Variants in ORC4 observed in about 807,000 individuals in gnomAD.
The protein encoded by ORC4 is origin recognition complex, subunit 4 homolog.
In ORC4, 55 loss-of-function variants were observed where a neutral mutation model predicts 63.9. That is an observed-to-expected ratio of 0.86 (90% CI 0.69 to 1.08). The LOEUF (loss-of-function observed/expected upper bound fraction) is 1.08, where lower values mean the gene tolerates loss of function less well. Ranked by LOEUF, ORC4 falls within the 50% of genes least tolerant of loss-of-function variation. The pLI is 0.00. For missense variants in ORC4, 511 were observed against 504.4 expected (o/e 1.01, Z -0.13); for synonymous variants, 150 against 168.5 (o/e 0.89, Z 0.85).
At chr2:148,017,615 T>C (rs185949564) in intron 1 of ORC4, among the ~76,000 whole-genome samples, 13 of 152,250 alleles carry the variant, frequency 8.5e-5, no homozygotes, top group Non-Finnish European at 1.8e-4. Context: ...GAGGTTGCAG[T>C]GAGCCAAGAT....
At position 147,938,370 on chromosome 2, in the gene ORC4, G is replaced by T. The variant is rs1286664482; in HGVS notation, c.982C>A (p.Leu328Ile). The change falls in exon 12 of 14, where the codon CTT becomes ATT. Residue 328 changes from leucine to isoleucine, a missense_variant. By Grantham distance (5) the Leu-to-Ile change is conservative (BLOSUM62 2). Coordinates refer to ENST00000392857, the MANE Select transcript of ORC4 (RefSeq NM_181741.4). ...VHGLSVLEIC[L>I]IIAMKHLNDI... ...TTTAAATGTTTCATTGCTATTATAA[G>T]ACAGATTTCCAAGACTGATAGACCT... 5 of 1,603,058 alleles carry T rather than the reference G, an allele frequency of 3.1e-6. No individual in the cohort carries two copies. Among genetic ancestry groups the T allele is most frequent in the Non-Finnish European group, 4.3e-6 (5 of 1,172,000 alleles).
At chr2:148,013,449 G>A (rs544646236) in intron 1 of ORC4, among the ~76,000 whole-genome samples, 1 of 152,110 alleles carries the variant, frequency 6.6e-6, no homozygotes, top group Admixed American at 6.5e-5. Context: ...AGAATCAAGA[G>A]GAGATGGTTA....
In ORC4 at chr2:147,938,135, C is replaced by G. The variant is rs200822991; in HGVS notation, c.1122+11G>C. On this transcript the variant is annotated intron_variant, in intron 13 of 13. Coordinates refer to ENST00000392857, the MANE Select transcript of ORC4 (RefSeq NM_181741.4). Reference sequence around the variant, plus strand: ...TTGTCTGTAGAAAAATGACAGCAAACTAAATCTTACCTTCATGACAACAGG... The same window carrying G: ...TTGTCTGTAGAAAAATGACAGCAAAGTAAATCTTACCTTCATGACAACAGG... 6.3e-7 allele frequency: 1 copy of G among 1,588,112 alleles called. No homozygotes were observed. The highest frequency in any genetic ancestry group is 8.6e-7 in the Non-Finnish European group (1 of 1,157,120).
chr2:147,997,024 T>C (rs1692014595), intron 1 of ORC4, among the ~76,000 whole-genome samples: 2 of 152,294 alleles, frequency 1.3e-5, no homozygotes, highest in Admixed American at 6.5e-5. Context: ...AATATGTGAA[T>C]GGATAAACCA....
At position 147,939,197 on chromosome 2, in the gene ORC4, CT is replaced by C; in HGVS notation, c.900del (p.Asp301IlefsTer2). ...CACAGTTGGCTTGCTTCCATTAGAT[CT>C]ACGGCAGTCATAAATGGGTGCGATG... ...VTASHPFMTA[V>X]DLMEASQLCS... On this transcript the variant is annotated frameshift_variant, in exon 11 of 14. Transcript: ENST00000392857. LOFTEE classifies it high-confidence loss of function. The C allele has an allele frequency of 6.2e-7, 1 of 1,613,100 alleles. No homozygotes were observed. Among genetic ancestry groups the C allele is most frequent in the Non-Finnish European group, 8.5e-7 (1 of 1,179,242 alleles).
chr2:147,939,098 G>A (rs1439442682), intron 11 of ORC4, 42 bp downstream of exon 11: 1 of 1,209,956 alleles, frequency 8.3e-7, no homozygotes, highest in South Asian at 1.2e-5. Context: ...TAAATTCAAA[G>A]TTTTAAAAAC....
chr2:147,953,817 G>A (rs918387623), intron 7 of ORC4, among the ~76,000 whole-genome samples: 5 of 152,050 alleles, frequency 3.3e-5, no homozygotes, highest in Non-Finnish European at 7.4e-5. Context: ...ACAAATATCT[G>A]ATAAAAGAAA....
At chr2:148,001,630 A>G (rs1189627431) in intron 1 of ORC4, among the ~76,000 whole-genome samples, 1 of 152,236 alleles carries the variant, frequency 6.6e-6, no homozygotes, top group East Asian at 1.9e-4. Context: ...GTAAAGGAAA[A>G]ACTGGTAACA....
chr2:147,967,129 A>G (rs1344686583), intron 4 of ORC4, among the ~76,000 whole-genome samples: 2 of 152,106 alleles, frequency 1.3e-5, no homozygotes, highest in Non-Finnish European at 2.9e-5. Flanking sequence ...ACGTGATAAA[A>G]TTCAACATCC....
chr2:147,975,114 CACTT>C lies in ORC4; in HGVS notation c.57+784_57+787del, dbSNP rs1200914047. ...AAGTCGTATAAAAGAATACCAGTAA[CACTT>C]AATTTTTATTTAAAAACTACATGGA... On this transcript the variant is annotated intron_variant, in intron 2 of 13. Coordinates refer to ENST00000392857, the MANE Select transcript of ORC4 (RefSeq NM_181741.4). 2.0e-5 allele frequency among the ~76,000 whole-genome samples: 3 copies of C among 152,170 alleles called. No homozygotes were observed. In the East Asian group the frequency reaches 5.8e-4, roughly 29 times the overall value.
At chr2:147,961,774 G>T (rs950988242) in intron 4 of ORC4, among the ~76,000 whole-genome samples, 2 of 152,138 alleles carry the variant, frequency 1.3e-5, no homozygotes, top group Admixed American at 6.5e-5. Flanking sequence ...GTGTGGCCAA[G>T]AATAACTGAT....
intron 4 of ORC4, among the ~76,000 whole-genome samples, chr2:147,972,414 T>C (rs1210696845): frequency 6.6e-6 from 1 of 152,100 alleles, no homozygotes; most frequent in African/African-American, 2.4e-5. Flanking sequence ...GCTCAATACA[T>C]GCTATTTTCT....
chr2:147,946,524 AAAG>A (rs1688666541), intron 9 of ORC4, among the ~76,000 whole-genome samples: 1 of 152,190 alleles, frequency 6.6e-6, no homozygotes, highest in East Asian at 1.9e-4. Context: ...TACCAACTAC[AAAG>A]AAGGTGCTCC....
At chr2:147,993,544 C>A (rs115418062) in intron 1 of ORC4, among the ~76,000 whole-genome samples, 1 of 152,098 alleles carries the variant, frequency 6.6e-6, no homozygotes, top group Non-Finnish European at 1.5e-5. Context: ...CTAGAGTCAA[C>A]GAAACGATAT....
At position 147,932,340 on chromosome 2, in the gene ORC4, T is replaced by C. The variant is rs1432965043; in HGVS notation, c.*3170A>G. 1 of 152,150 alleles carries C rather than the reference T, an allele frequency of 6.6e-6. No homozygotes were observed. The highest frequency in any genetic ancestry group is 1.5e-5 in the Non-Finnish European group (1 of 68,036). 9.4% of individuals were successfully genotyped at this position (152,150 alleles called of 1,614,324 possible). On this transcript the variant is annotated 3_prime_UTR_variant, in exon 14 of 14. Transcript: ENST00000392857. ...CAAATGGAAGAACATTCCATGCTCT[T>C]GGGTAGGAAGAATCAATATTGTGAA...
rs1032654398 is a variant in ORC4 at position 147,987,770 on chromosome 2, T to C, written c.-17-11795A>G. Among the ~76,000 whole-genome samples, 3 of 151,992 alleles carry C rather than the reference T, an allele frequency of 2.0e-5. 1 individual carries two copies. The highest frequency in any genetic ancestry group is 4.4e-5 in the Non-Finnish European group (3 of 67,962). On this transcript the variant is annotated intron_variant, in intron 1 of 13. Coordinates refer to ENST00000392857, the MANE Select transcript of ORC4 (RefSeq NM_181741.4). ...AACCCTCTGGAATAAGAAAGTATTG[T>C]AGGCTGGGCACAGTGGCTCCCACCT... is the stretch of plus-strand genomic sequence containing the variant.
intron 1 of ORC4, among the ~76,000 whole-genome samples, chr2:147,987,702 CTA>C (rs1691303913): frequency 6.6e-6 from 1 of 152,016 alleles, no homozygotes; most frequent in African/African-American, 2.4e-5. Flanking sequence ...ACAATTTTTC[CTA>C]TCTTTCATAT....
intron 1 of ORC4, among the ~76,000 whole-genome samples, chr2:147,999,610 G>GA (rs1042408635): frequency 2.0e-5 from 3 of 152,044 alleles, no homozygotes; most frequent in African/African-American, 7.2e-5. Context: ...TCCCACTTGA[G>GA]AATCACTGAC....
chr2:147,979,142 G>T (rs1690725111), intron 1 of ORC4, among the ~76,000 whole-genome samples: 1 of 151,902 alleles, frequency 6.6e-6, no homozygotes, highest in Non-Finnish European at 1.5e-5. Flanking sequence ...TAAATAAAAG[G>T]CATCCAAATC....
Sources: gnomAD v4.1 joint callset for allele counts (sites outside exome capture counted in the v4.1 genomes callset) on GRCh38, gnomAD v4.1.1 for gene constraint, MANE v1.5 for transcripts, NCBI Gene and HGNC (gene_info 2026-07-23, HGNC 2026-07-21) for gene names.